The following TXNRD1 variants were observed in gnomAD, a reference collection of about 807,000 sequenced individuals.
TXNRD1 encodes the protein thioredoxin reductase 1, also known as thioredoxin reductase 1, cytoplasmic.
In TXNRD1, 57 loss-of-function variants were observed where a neutral mutation model predicts 80.3. The ratio of observed to expected loss-of-function variants is 0.71; its 90% confidence interval spans 0.57 to 0.89. TXNRD1 has a LOEUF of 0.89. TXNRD1 is among the 40% of genes least tolerant of loss of function. The pLI is 0.00. For synonymous variants in TXNRD1, 291 were observed against 285.2 expected (o/e 1.02, Z -0.20); for missense variants, 730 against 803.0 (o/e 0.91, Z 1.10).
chr12:104,277,134 G>A (rs1348984211), intron 3 of TXNRD1, among the ~76,000 whole-genome samples: 1 of 151,364 alleles, frequency 6.6e-6, no homozygotes, highest in Non-Finnish European at 1.5e-5. Flanking sequence ...GCTCATGACT[G>A]TAATCCCAGC....
At position 104,287,424 on chromosome 12, in the gene TXNRD1, G is replaced by GA. The variant is rs768082597; in HGVS notation, c.305-1503dup. On this transcript the variant is annotated intron_variant, in intron 3 of 16. Coordinates refer to ENST00000525566, the MANE Select transcript of TXNRD1 (RefSeq NM_001093771.3). Reference sequence around the variant, plus strand: ...TAGAGACAGTTTGCAGAACAGCGGAGAAAATGGGTATTGTATCGTTTCTTA... The same window carrying GA: ...TAGAGACAGTTTGCAGAACAGCGGAGAAAAATGGGTATTGTATCGTTTCTTA... 3.7e-6 allele frequency: 6 copies of GA among 1,613,824 alleles called. No individual in the cohort carries two copies. The South Asian group carries it at 6.6e-5, about 18-fold the overall frequency.
chr12:104,341,172 G>C (rs142132834), intron 16 of TXNRD1, among the ~76,000 whole-genome samples: 1 of 152,174 alleles, frequency 6.6e-6, no homozygotes, highest in Admixed American at 6.5e-5. Flanking sequence ...CCAAAGGCCT[G>C]TTCTCCTTGG....
chr12:104,326,023 C>G (rs1408523311), intron 11 of TXNRD1, among the ~76,000 whole-genome samples: 1 of 152,100 alleles, frequency 6.6e-6, no homozygotes, highest in African/African-American at 2.4e-5. Flanking sequence ...CTTTCATCTC[C>G]CCACGCAACC....
chr12:104,220,169 G>A (rs1184173765), intron 1 of TXNRD1, among the ~76,000 whole-genome samples: 1 of 152,164 alleles, frequency 6.6e-6, no homozygotes, highest in Admixed American at 6.5e-5. Context: ...AGGCTGATAA[G>A]GGTGAGTCAG....
chr12:104,225,969 G>A (rs2032464077), intron 1 of TXNRD1, among the ~76,000 whole-genome samples: 2 of 152,144 alleles, frequency 1.3e-5, no homozygotes, highest in Admixed American at 1.3e-4. Context: ...GGAGGCCAAG[G>A]TGGGCGGATC....
At chr12:104,232,574 A>G (rs543165346) in intron 1 of TXNRD1, among the ~76,000 whole-genome samples, 217 of 151,808 alleles carry the variant, frequency 1.4e-3, no homozygotes, top group African/African-American at 5.1e-3. Flanking sequence ...AAAAAAAGTG[A>G]CGTTCTTTAC....
Position 104,313,328 on chromosome 12 carries a change from A to AAG in TXNRD1, c.610+13_610+14dup. ...TTGGAACTAGATGGGGTAAGCTTTT[A>AAG]AGATACTCTAGAAGTGATGTTGCCG... On this transcript the variant is annotated intron_variant, in intron 6 of 16. Coordinates refer to ENST00000525566, the MANE Select transcript of TXNRD1 (RefSeq NM_001093771.3). 1 of 1,570,346 alleles carries AAG rather than the reference A, an allele frequency of 6.4e-7. No individual in the cohort carries two copies. Among genetic ancestry groups the AAG allele is most frequent in the Non-Finnish European group, 8.7e-7 (1 of 1,154,270 alleles).
intron 5 of TXNRD1, among the ~76,000 whole-genome samples, chr12:104,312,809 A>C (rs576979628): frequency 1.7e-4 from 26 of 152,218 alleles, no homozygotes; most frequent in Non-Finnish European, 2.1e-4. Flanking sequence ...AATTAGATTA[A>C]ACTTTAAAAT....
intron 3 of TXNRD1, chr12:104,287,137 C>G: frequency 6.6e-7 from 1 of 1,522,732 alleles, no homozygotes; most frequent in Non-Finnish European, 8.7e-7. Context: ...TGAAACCAGA[C>G]AAAGCCGCGA....
intron 3 of TXNRD1, among the ~76,000 whole-genome samples, chr12:104,287,784 G>C (rs758137515): frequency 3.3e-5 from 5 of 152,184 alleles, no homozygotes; most frequent in African/African-American, 4.8e-5. Flanking sequence ...GAATCCTGCC[G>C]CTGCTTTTGA....
At chr12:104,326,734 G>A (rs1029476577) in intron 12 of TXNRD1, among the ~76,000 whole-genome samples, 1 of 152,092 alleles carries the variant, frequency 6.6e-6, no homozygotes, top group Admixed American at 6.5e-5. Flanking sequence ...CCAAAGTGCT[G>A]GGATTACATG....
intron 4 of TXNRD1, among the ~76,000 whole-genome samples, chr12:104,296,605 T>C (rs1246568373): frequency 6.6e-6 from 1 of 152,210 alleles, no homozygotes; most frequent in African/African-American, 2.4e-5. Context: ...ATAAGGTCTT[T>C]ACAAAAGGCT....
chr12:104,222,650 C>T (rs1158004950), intron 1 of TXNRD1, among the ~76,000 whole-genome samples: 1 of 152,098 alleles, frequency 6.6e-6, no homozygotes, highest in Non-Finnish European at 1.5e-5. Flanking sequence ...GTCAGGAGTT[C>T]GAGACCAGTC....
At chr12:104,307,435 G>T (rs2034963059) in intron 4 of TXNRD1, among the ~76,000 whole-genome samples, 1 of 152,150 alleles carries the variant, frequency 6.6e-6, no homozygotes, top group African/African-American at 2.4e-5. Flanking sequence ...AGGAGATGGA[G>T]AATTAGTAAC....
intron 1 of TXNRD1, among the ~76,000 whole-genome samples, chr12:104,245,957 A>C (rs1252227875): frequency 2.0e-5 from 3 of 151,360 alleles, no homozygotes; most frequent in Admixed American, 6.6e-5. Flanking sequence ...AACAAAATAC[A>C]AAAAAATTAG....
chr12:104,287,100 T>C (rs546233353), intron 3 of TXNRD1: 31 of 1,451,940 alleles, frequency 2.1e-5, no homozygotes, highest in Admixed American at 2.8e-5. Context: ...TTCATCATTC[T>C]CAAATTCTTG....
chr12:104,318,618 C>T (rs1384639704), intron 7 of TXNRD1, among the ~76,000 whole-genome samples: 1 of 152,036 alleles, frequency 6.6e-6, no homozygotes, highest in African/African-American at 2.4e-5. Context: ...CTTAATATAT[C>T]CCAGAAATCA....
At chr12:104,216,330 C>T (rs1460818164) in intron 1 of TXNRD1, among the ~76,000 whole-genome samples, 1 of 152,240 alleles carries the variant, frequency 6.6e-6, no homozygotes, top group African/African-American at 2.4e-5. Context: ...TTCACCTCTC[C>T]AGAAGCCCCC....
intron 13 of TXNRD1, among the ~76,000 whole-genome samples, chr12:104,329,723 G>T (rs773779763): frequency 3.3e-5 from 5 of 152,068 alleles, no homozygotes; most frequent in Non-Finnish European, 7.4e-5. Flanking sequence ...CTCTGTCTCA[G>T]CCGTAATCTA....
Sources: allele counts gnomAD v4.1 joint callset (sites outside exome capture counted in the v4.1 genomes callset), GRCh38; gene constraint gnomAD v4.1.1; transcripts MANE v1.5; gene names NCBI Gene and HGNC (gene_info 2026-07-23, HGNC 2026-07-21).